FRZB: variants seen among roughly 807,000 people sequenced by gnomAD.
FRZB encodes the protein secreted frizzled-related protein 3.
Under a neutral mutation model 32.5 loss-of-function variants are expected in FRZB, and 34 were observed. The observed-to-expected ratio is 1.05, with a 90% confidence interval of 0.80 to 1.39. The LOEUF (loss-of-function observed/expected upper bound fraction) is 1.39, where lower values mean the gene tolerates loss of function less well. Among genes scored for constraint, FRZB ranks in the 40% most tolerant of loss-of-function variants. The pLI is 0.00. For synonymous variants in FRZB, 170 were observed against 159.2 expected (o/e 1.07, Z -0.51); for missense variants, 423 against 424.8 (o/e 1.00, Z 0.04).
chr2:182,858,883 T>G, intron 1 of FRZB, 50 bp from the exon 2 acceptor site: 1 of 1,440,600 alleles, frequency 6.9e-7, no homozygotes, highest in Non-Finnish European at 9.7e-7. Context: ...ATTTCAAGAA[T>G]TCCTAAAGAT....
intron 2 of FRZB, among the ~76,000 whole-genome samples, chr2:182,855,256 A>C (rs1385513161): frequency 6.6e-6 from 1 of 152,218 alleles, no homozygotes; most frequent in African/African-American, 2.4e-5. Flanking sequence ...ATGATATTCA[A>C]AATGTCCAGG....
chr2:182,848,414 C>T (rs1184772845), intron 2 of FRZB, among the ~76,000 whole-genome samples: 1 of 152,132 alleles, frequency 6.6e-6, no homozygotes, highest in Non-Finnish European at 1.5e-5. Context: ...AGGTCAATTC[C>T]ACTATCCTTC....
chr2:182,851,641 G>A (rs770861868), intron 2 of FRZB, among the ~76,000 whole-genome samples: 6 of 151,580 alleles, frequency 4.0e-5, no homozygotes, highest in Non-Finnish European at 7.4e-5. Flanking sequence ...GAGCAACAGA[G>A]TGAGACTCCA....
rs1038392618 is a variant in FRZB, at chr2:182,846,532, T to G, written c.527-3989A>C. ...ATACAATTGTATTTGTGTTACAATC[T>G]CCTTTATAACTTTTTCAAGACTGAC... On this transcript the variant is annotated intron_variant, in intron 2 of 5. Transcript: ENST00000295113. Among the ~76,000 whole-genome samples, 9 of 152,182 alleles carry G rather than the reference T, an allele frequency of 5.9e-5. No individual in the cohort carries two copies. In the South Asian group the frequency reaches 6.2e-4, roughly 10 times the overall value.
At chr2:182,836,629 A>G (rs1385616577) in intron 5 of FRZB, among the ~76,000 whole-genome samples, 3 of 152,068 alleles carry the variant, frequency 2.0e-5, no homozygotes, top group Non-Finnish European at 2.9e-5. Context: ...GCCTTGTTAC[A>G]TGCTTCGCAG....
chr2:182,834,626 C>A lies in FRZB; in HGVS notation c.*223G>T. On this transcript the variant is annotated 3_prime_UTR_variant, in exon 6 of 6. Coordinates refer to ENST00000295113, the MANE Select transcript of FRZB (RefSeq NM_001463.4). Reference sequence around the variant, plus strand: ...TTCTCATGATTAGTGAAATAGAAAACTCACAATATACTTAAGAGTCTGCCC... The same window carrying A: ...TTCTCATGATTAGTGAAATAGAAAAATCACAATATACTTAAGAGTCTGCCC... The A allele has an allele frequency of 2.0e-6, 1 of 497,828 alleles. No homozygotes were observed. Among genetic ancestry groups the A allele is most frequent in the Non-Finnish European group, 3.6e-6 (1 of 278,496 alleles). 30.8% of individuals were successfully genotyped at this position (497,828 alleles called of 1,614,324 possible). A position where few individuals can be genotyped will look rare whatever the true frequency, so the allele number is the denominator to read the frequency against.
At chr2:182,864,986 A>T (rs1695874712) in intron 1 of FRZB, among the ~76,000 whole-genome samples, 1 of 152,206 alleles carries the variant, frequency 6.6e-6, no homozygotes, top group Non-Finnish European at 1.5e-5. Flanking sequence ...AGTAATACTG[A>T]GTTAGAATTA....
At chr2:182,864,033 C>T (rs1480724130) in intron 1 of FRZB, among the ~76,000 whole-genome samples, 1 of 152,176 alleles carries the variant, frequency 6.6e-6, no homozygotes, top group Non-Finnish European at 1.5e-5. Flanking sequence ...AGGATGCTGC[C>T]AGTAAAGCAA....
rs151013400 is a variant in FRZB, at chr2:182,839,891, A to G, written c.593-1278T>C. Among the ~76,000 whole-genome samples, 775 of 152,212 alleles carry G rather than the reference A, an allele frequency of 5.1e-3. 13 individuals are homozygous for G. The highest frequency in any genetic ancestry group is 0.018 in the African/African-American group (735 of 41,560). On this transcript the variant is annotated intron_variant, in intron 3 of 5. Coordinates refer to ENST00000295113, the MANE Select transcript of FRZB (RefSeq NM_001463.4). The stretch of plus-strand genomic sequence containing the variant: ...CACTTTAATCTGAGTACTTTCCCAC[A>G]TATTTTAGAGATTTTGGACTATAAA...
At chr2:182,845,358 T>C (rs751224067) in intron 2 of FRZB, among the ~76,000 whole-genome samples, 3 of 152,174 alleles carry the variant, frequency 2.0e-5, no homozygotes, top group Non-Finnish European at 4.4e-5. Flanking sequence ...GGGGGGCCTG[T>C]AGCATTACCA....
At chr2:182,841,334 TA>T (rs1361845541) in intron 3 of FRZB, among the ~76,000 whole-genome samples, 1 of 152,174 alleles carries the variant, frequency 6.6e-6, no homozygotes, top group Non-Finnish European at 1.5e-5. Context: ...TTTTGAAAGA[TA>T]TTGAAGCTAA....
chr2:182,847,064 T>C (rs893571941), intron 2 of FRZB, among the ~76,000 whole-genome samples: 6 of 152,200 alleles, frequency 3.9e-5, no homozygotes, highest in African/African-American at 1.2e-4. Context: ...CCAGGCTCTG[T>C]GATAGGCATG....
At chr2:182,847,255 A>C (rs1412947949) in intron 2 of FRZB, among the ~76,000 whole-genome samples, 1 of 152,232 alleles carries the variant, frequency 6.6e-6, no homozygotes, top group African/African-American at 2.4e-5. Context: ...ATATACTGTG[A>C]GAAAATGATA....
intron 2 of FRZB, among the ~76,000 whole-genome samples, chr2:182,854,451 T>C (rs1046717799): frequency 6.6e-6 from 1 of 152,200 alleles, no homozygotes; most frequent in Admixed American, 6.5e-5. Context: ...AGTGGGCTCA[T>C]CATTTTTTCC....
chr2:182,862,027 A>C (rs1279920184), intron 1 of FRZB, among the ~76,000 whole-genome samples: 2 of 152,072 alleles, frequency 1.3e-5, no homozygotes, highest in African/African-American at 4.8e-5. Context: ...TAAAATTTCC[A>C]TTTCTCCTTT....
At chr2:182,837,868 T>G in intron 5 of FRZB, 80 bp downstream of exon 5, 1 of 1,073,110 alleles carries the variant, frequency 9.3e-7, no homozygotes, top group Non-Finnish European at 1.4e-6. Flanking sequence ...GGCAGCTATT[T>G]CATTTCAATG....
chr2:182,836,308 A>G (rs547874534), intron 5 of FRZB, among the ~76,000 whole-genome samples: 23 of 152,194 alleles, frequency 1.5e-4, no homozygotes, highest in Non-Finnish European at 2.9e-4. Flanking sequence ...CTCTTTTTAC[A>G]CATCTTCAAA....
At chr2:182,848,617 G>C (rs1297702590) in intron 2 of FRZB, among the ~76,000 whole-genome samples, 1 of 151,754 alleles carries the variant, frequency 6.6e-6, no homozygotes, top group Non-Finnish European at 1.5e-5. Flanking sequence ...GGAAGAAAAC[G>C]AACAACAACA....
At chr2:182,837,077 C>T (rs1198886775) in intron 5 of FRZB, among the ~76,000 whole-genome samples, 3 of 150,696 alleles carry the variant, frequency 2.0e-5, no homozygotes, top group Non-Finnish European at 4.4e-5. Flanking sequence ...GTTCCCACTC[C>T]CCCCACCCAC....
Sources: allele counts gnomAD v4.1 joint callset (sites outside exome capture counted in the v4.1 genomes callset), GRCh38; gene constraint gnomAD v4.1.1; transcripts MANE v1.5; gene names NCBI Gene and HGNC (gene_info 2026-07-23, HGNC 2026-07-21).